Variants in NUBPL observed in about 807,000 individuals in gnomAD.
NUBPL encodes NUBP iron-sulfur cluster assembly factor, mitochondrial.
Under a neutral mutation model 45.7 loss-of-function variants are expected in NUBPL, and 31 were observed. That is an observed-to-expected ratio of 0.68 (90% CI 0.51 to 0.92). The LOEUF (loss-of-function observed/expected upper bound fraction) is 0.92. Ranked by LOEUF, NUBPL falls within the 40% of genes least tolerant of loss-of-function variation. The probability of loss-of-function intolerance (pLI) is 0.00; values close to 1 mark genes in which losing one functional copy is unlikely to be tolerated. For synonymous variants in NUBPL, 144 were observed against 140.9 expected (o/e 1.02, Z -0.15); for missense variants, 401 against 398.7 (o/e 1.01, Z -0.05).
At chr14:31,746,826 T>C (rs2140010658) in intron 6 of NUBPL, among the ~76,000 whole-genome samples, 1 of 151,956 alleles carries the variant, frequency 6.6e-6, no homozygotes, top group African/African-American at 2.4e-5. Flanking sequence ...TCCTAGCACT[T>C]TGGGAAGCCA....
chr14:31,746,108 A>G (rs1595573007), intron 6 of NUBPL, among the ~76,000 whole-genome samples: 2 of 152,022 alleles, frequency 1.3e-5, no homozygotes, highest in Admixed American at 6.5e-5. Flanking sequence ...TTTTCTGTAT[A>G]GAAAGTCATA....
chr14:31,760,875 G>T (rs1361410087), intron 6 of NUBPL, among the ~76,000 whole-genome samples: 2 of 151,740 alleles, frequency 1.3e-5, no homozygotes, highest in African/African-American at 4.9e-5. Context: ...GTCTTACTCT[G>T]TTGCCCAGGC....
At chr14:31,759,648 A>G (rs993740632) in intron 6 of NUBPL, among the ~76,000 whole-genome samples, 6 of 151,642 alleles carry the variant, frequency 4.0e-5, no homozygotes, top group Non-Finnish European at 7.4e-5. Context: ...CAACTTTACC[A>G]TGGTGTGAAA....
At chr14:31,732,792 A>G (rs1478296600) in intron 6 of NUBPL, among the ~76,000 whole-genome samples, 1 of 151,818 alleles carries the variant, frequency 6.6e-6, no homozygotes, top group African/African-American at 2.4e-5. Flanking sequence ...TTGTATTTTT[A>G]GTAGAGACAG....
At chr14:31,806,195 A>G (rs1378477970) in intron 7 of NUBPL, among the ~76,000 whole-genome samples, 1 of 152,234 alleles carries the variant, frequency 6.6e-6, no homozygotes, top group African/African-American at 2.4e-5. Flanking sequence ...GAAATAGATC[A>G]AAGCTTTCCA....
intron 4 of NUBPL, among the ~76,000 whole-genome samples, chr14:31,608,426 C>T (rs894987129): frequency 6.6e-5 from 10 of 152,028 alleles, no homozygotes; most frequent in East Asian, 5.8e-4. Flanking sequence ...TGGTGGCGGG[C>T]GCCTGTAGTC....
At chr14:31,694,193 T>C (rs1282358445) in intron 6 of NUBPL, among the ~76,000 whole-genome samples, 1 of 152,140 alleles carries the variant, frequency 6.6e-6, no homozygotes, top group African/African-American at 2.4e-5. Flanking sequence ...AGTTCAGTTA[T>C]TGTTTTTAGA....
intron 8 of NUBPL, among the ~76,000 whole-genome samples, chr14:31,830,624 C>T (rs1354586475): frequency 6.6e-6 from 1 of 152,200 alleles, no homozygotes; most frequent in Non-Finnish European, 1.5e-5. Context: ...GATCTACTTA[C>T]ACATATATTT....
chr14:31,635,565 C>T (rs1370073448), intron 4 of NUBPL, among the ~76,000 whole-genome samples: 12 of 151,918 alleles, frequency 7.9e-5, no homozygotes, highest in South Asian at 4.2e-4. Context: ...ATTGACTTGG[C>T]GATGTGGGCT....
intron 7 of NUBPL, among the ~76,000 whole-genome samples, chr14:31,825,707 T>C (rs2040089087): frequency 6.6e-6 from 1 of 151,442 alleles, no homozygotes. Context: ...TTCTTCATCT[T>C]CCTCTTTTTC....
rs561500680 is a variant in NUBPL, at chr14:31,643,330, A to G, written c.383-30025A>G. Among the ~76,000 whole-genome samples the G allele has an allele frequency of 6.6e-5, 10 of 152,144 alleles. No individual in the cohort carries two copies. In the East Asian group the frequency reaches 1.4e-3, roughly 21 times the overall value. ...TTATTTTGAAGTGTGTTCCTTCCATACCCAGTTTGTTGAGGATTTTTATCA... is the reference window on the plus strand; with the variant it reads ...TTATTTTGAAGTGTGTTCCTTCCATGCCCAGTTTGTTGAGGATTTTTATCA... On this transcript the variant is annotated intron_variant, in intron 4 of 10. Coordinates refer to ENST00000281081, the MANE Select transcript of NUBPL (RefSeq NM_025152.3).
chr14:31,745,377 G>A (rs1247848375), intron 6 of NUBPL, among the ~76,000 whole-genome samples: 2 of 152,130 alleles, frequency 1.3e-5, no homozygotes, highest in Non-Finnish European at 2.9e-5. Context: ...CAAAGGACAT[G>A]GACTCATCCT....
intron 6 of NUBPL, among the ~76,000 whole-genome samples, chr14:31,701,546 G>T (rs566625079): frequency 6.6e-6 from 1 of 152,188 alleles, no homozygotes; most frequent in African/African-American, 2.4e-5. Context: ...CACTCTTTGG[G>T]TCCGCGCCGC....
chr14:31,816,806 G>A lies in NUBPL; in HGVS notation c.608-9823G>A, dbSNP rs144890104. ...TTACTTACCCAGTAATCATTCAGGA[G>A]CATGTTGTTCAGTTTCCATGTAGTT... On this transcript the variant is annotated intron_variant, in intron 7 of 10. Transcript: ENST00000281081. Among the ~76,000 whole-genome samples the A allele has an allele frequency of 8.5e-5, 13 of 152,186 alleles. No individual in the cohort carries two copies. The East Asian group carries it at 1.7e-3, about 20-fold the overall frequency.
intron 4 of NUBPL, among the ~76,000 whole-genome samples, chr14:31,622,344 A>G (rs2035085374): frequency 6.6e-6 from 1 of 152,202 alleles, no homozygotes; most frequent in Non-Finnish European, 1.5e-5. Flanking sequence ...CAGCCTGACC[A>G]TACGGTAGGA....
chr14:31,640,328 A>G (rs1414328683), intron 4 of NUBPL, among the ~76,000 whole-genome samples: 1 of 152,188 alleles, frequency 6.6e-6, no homozygotes, highest in East Asian at 1.9e-4. Flanking sequence ...CTTTGGGGCC[A>G]GGCTTGGTGG....
intron 8 of NUBPL, among the ~76,000 whole-genome samples, chr14:31,840,121 C>T (rs772633555): frequency 5.3e-5 from 8 of 152,022 alleles, no homozygotes; most frequent in Non-Finnish European, 8.8e-5. Flanking sequence ...CCAAAGGAAC[C>T]GAAATCAGTT....
intron 4 of NUBPL, among the ~76,000 whole-genome samples, chr14:31,662,577 G>A (rs148673637): frequency 4.3e-4 from 66 of 152,140 alleles, no homozygotes; most frequent in Non-Finnish European, 7.6e-4. Flanking sequence ...GGTGTTTGGT[G>A]TTTTTGTTCC....
At chr14:31,744,167 G>C (rs566899761) in intron 6 of NUBPL, among the ~76,000 whole-genome samples, 1 of 152,252 alleles carries the variant, frequency 6.6e-6, no homozygotes, top group East Asian at 1.9e-4. Context: ...GGTGAGAGAA[G>C]GTAGATTAAC....
Sources: allele counts gnomAD v4.1 joint callset (sites outside exome capture counted in the v4.1 genomes callset), GRCh38; gene constraint gnomAD v4.1.1; transcripts MANE v1.5; gene names NCBI Gene and HGNC (gene_info 2026-07-23, HGNC 2026-07-21).